Variants in MOB4 observed in about 807,000 individuals in gnomAD.
MOB4 encodes MOB family member 4, phocein.
In MOB4, 4 loss-of-function variants were observed where a neutral mutation model predicts 32.2. That is an observed-to-expected ratio of 0.12 (90% CI 0.06 to 0.28). The LOEUF is 0.28. Ranked by LOEUF, MOB4 falls within the 10% of genes least tolerant of loss-of-function variation. The pLI is 1.00. For synonymous variants in MOB4, 88 were observed against 88.1 expected, an observed-to-expected ratio of 1.00 and a Z score of 0.01; for missense variants, 158 against 271.2, an observed-to-expected ratio of 0.58 and a Z score of 2.93.
intron 5 of MOB4, 54 bp from the exon 6 acceptor site, chr2:197,548,282 C>T: frequency 1.3e-6 from 2 of 1,493,768 alleles, no homozygotes; most frequent in Non-Finnish European, 9.1e-7. Flanking sequence ...ATGAATATAT[C>T]TAACTTAAGA....
At chr2:197,529,605 G>T (rs577211427) in intron 2 of MOB4, among the ~76,000 whole-genome samples, 1 of 152,176 alleles carries the variant, frequency 6.6e-6, no homozygotes, top group African/African-American at 2.4e-5. Context: ...ATCCACCTCA[G>T]CCTCCCAAAG....
chr2:197,529,258 G>A (rs907434871), intron 2 of MOB4, among the ~76,000 whole-genome samples: 10 of 152,068 alleles, frequency 6.6e-5, no homozygotes, highest in Non-Finnish European at 1.3e-4. Flanking sequence ...ATGAGCCACC[G>A]CGGCCAGCTG....
chr2:197,547,679 T>A (rs1006138761), intron 5 of MOB4, among the ~76,000 whole-genome samples: 1 of 152,206 alleles, frequency 6.6e-6, no homozygotes, highest in African/African-American at 2.4e-5. Context: ...TTCCTCTAGT[T>A]GTTTTTTCCT....
intron 2 of MOB4, among the ~76,000 whole-genome samples, chr2:197,527,030 C>T (rs1318923062): frequency 6.6e-6 from 1 of 151,948 alleles, no homozygotes; most frequent in East Asian, 1.9e-4. Context: ...CTCAGGTGAT[C>T]CTCTTGCCTC....
intron 2 of MOB4, among the ~76,000 whole-genome samples, chr2:197,531,453 A>G (rs1403800675): frequency 2.0e-5 from 3 of 152,180 alleles, no homozygotes; most frequent in Non-Finnish European, 4.4e-5. Context: ...CTGAAATTCT[A>G]TACATATTAA....
At chr2:197,521,947 A>G (rs2086527301) in intron 1 of MOB4, among the ~76,000 whole-genome samples, 1 of 152,194 alleles carries the variant, frequency 6.6e-6, no homozygotes, top group African/African-American at 2.4e-5. Context: ...GGATTAAGAG[A>G]TTAAAGACAG....
Position 197,550,686 on chromosome 2 carries a change from A to G in MOB4, c.*40A>G. 1.3e-6 allele frequency: 2 copies of G among 1,554,276 alleles called. No individual in the cohort carries two copies. ...AAAATGTACTGATCATATAATTAACATTATGTACTGTATATATCATTTTAG... is the reference window on the plus strand; with the variant it reads ...AAAATGTACTGATCATATAATTAACGTTATGTACTGTATATATCATTTTAG... On this transcript the variant is annotated 3_prime_UTR_variant, in exon 8 of 8. Coordinates refer to ENST00000323303, the MANE Select transcript of MOB4 (RefSeq NM_015387.5).
At chr2:197,521,637 A>G (rs1181328250) in intron 1 of MOB4, among the ~76,000 whole-genome samples, 1 of 152,230 alleles carries the variant, frequency 6.6e-6, no homozygotes, top group African/African-American at 2.4e-5. Flanking sequence ...GGGGCCGTCT[A>G]TAGACCCACC....
chr2:197,532,847 C>T (rs1478425573), intron 2 of MOB4, among the ~76,000 whole-genome samples: 1 of 152,070 alleles, frequency 6.6e-6, no homozygotes, highest in Non-Finnish European at 1.5e-5. Context: ...CGCTGTAATC[C>T]CAGCACTTTG....
At chr2:197,518,969 A>T (rs1197220219) in intron 1 of MOB4, among the ~76,000 whole-genome samples, 3 of 151,884 alleles carry the variant, frequency 2.0e-5, no homozygotes, top group Non-Finnish European at 1.5e-5. Context: ...TGTGTTAGCC[A>T]GGATGGTCTG....
rs1381150089 is a variant in MOB4 at position 197,523,928 on chromosome 2, TGC to T, written c.123+243_123+244del. Among the ~76,000 whole-genome samples the T allele has an allele frequency of 7.5e-4, 114 of 152,356 alleles. 1 individual carries two copies. Among genetic ancestry groups the T allele is most frequent in the African/African-American group, 2.6e-3 (108 of 41,582 alleles). ...AGAAGATTCCACTGAATTAATGGAA[TGC>T]CTATTTAAAAGTTTAGTCAACCCTC... On this transcript the variant is annotated intron_variant, in intron 2 of 7. Coordinates refer to ENST00000323303, the MANE Select transcript of MOB4 (RefSeq NM_015387.5).
At chr2:197,540,619 T>G (rs2086880393) in intron 5 of MOB4, among the ~76,000 whole-genome samples, 182 bp downstream of exon 5, 1 of 152,210 alleles carries the variant, frequency 6.6e-6, no homozygotes, top group Admixed American at 6.5e-5. Flanking sequence ...TAAGCATCAT[T>G]TTTCATAATT....
intron 2 of MOB4, among the ~76,000 whole-genome samples, chr2:197,534,512 C>G (rs1489213087): frequency 6.6e-6 from 1 of 152,026 alleles, no homozygotes; most frequent in Non-Finnish European, 1.5e-5. Flanking sequence ...GGTTGCACAG[C>G]CATCACTACA....
chr2:197,541,565 G>A (rs2086895304), intron 5 of MOB4, among the ~76,000 whole-genome samples: 2 of 152,188 alleles, frequency 1.3e-5, no homozygotes, highest in East Asian at 1.9e-4. Flanking sequence ...GTACTTATTT[G>A]GAAGACTGGT....
intron 2 of MOB4, among the ~76,000 whole-genome samples, chr2:197,525,602 G>C (rs960716604): frequency 2.6e-5 from 4 of 151,390 alleles, no homozygotes; most frequent in Non-Finnish European, 5.9e-5. Flanking sequence ...GCTAGGTGGC[G>C]TGCACCTGTA....
At chr2:197,545,936 G>A (rs915346062) in intron 5 of MOB4, among the ~76,000 whole-genome samples, 1 of 152,146 alleles carries the variant, frequency 6.6e-6, no homozygotes, top group Admixed American at 6.5e-5. Flanking sequence ...TATCTTAAAA[G>A]TCAAAAAGTA....
chr2:197,539,148 G>A (rs954046865), intron 3 of MOB4, among the ~76,000 whole-genome samples: 2 of 151,924 alleles, frequency 1.3e-5, no homozygotes, highest in African/African-American at 2.4e-5. Flanking sequence ...GGGAAACATA[G>A]TATTGATTTA....
At chr2:197,537,422 T>G (rs2086819780) in intron 3 of MOB4, among the ~76,000 whole-genome samples, 1 of 152,198 alleles carries the variant, frequency 6.6e-6, no homozygotes, top group African/African-American at 2.4e-5. Flanking sequence ...AAATATGACT[T>G]TTCCTGAATA....
intron 1 of MOB4, among the ~76,000 whole-genome samples, chr2:197,519,236 A>G (rs2086472229): frequency 6.6e-6 from 1 of 152,216 alleles, no homozygotes; most frequent in Non-Finnish European, 1.5e-5. Flanking sequence ...GTTGAATTAG[A>G]TGAGAATCTT....
Sources: allele counts gnomAD v4.1 joint callset (sites outside exome capture counted in the v4.1 genomes callset), GRCh38; gene constraint gnomAD v4.1.1; transcripts MANE v1.5; gene names NCBI Gene and HGNC (gene_info 2026-07-23, HGNC 2026-07-21).